AOX1: variants seen among roughly 807,000 people sequenced by gnomAD.
AOX1 encodes aldehyde oxidase 1.
AOX1 carries 153 observed loss-of-function variants against 169.5 expected under a neutral mutation model. The observed-to-expected ratio is 0.90, with a 90% CI of 0.79 to 1.03. The LOEUF is 1.03. AOX1 is among the 50% of genes least tolerant of loss of function. AOX1 has a pLI of 0.00. For missense variants in AOX1, 1,656 were observed against 1,663.9 expected, an observed-to-expected ratio of 1.00 and a Z score of 0.08; for synonymous variants, 562 against 581.9, an observed-to-expected ratio of 0.97 and a Z score of 0.49.
intron 4 of AOX1, 90 bp downstream of exon 4, chr2:200,597,595 G>C: frequency 1.1e-6 from 1 of 882,510 alleles, no homozygotes; most frequent in Admixed American, 2.6e-5. Context: ...GAGCAGCCTG[G>C]GGCCTGCTGG....
rs1217982260 is a variant in AOX1 at position 200,586,160 on chromosome 2, GC to G, written c.45+10del. The stretch of plus-strand genomic sequence containing the variant: ...CTACGTGAACGGCCGCAAGGTGAGC[GC>G]CCGCGGGCTTCCTCTGCCCCCAGAC... On this transcript the variant is annotated splice_region_variant and intron_variant, in intron 1 of 34. Transcript: ENST00000374700. 6.4e-7 allele frequency: 1 copy of G among 1,556,314 alleles called. No homozygotes were observed. The highest frequency in any genetic ancestry group is 1.2e-5 in the South Asian group (1 of 84,400).
At chr2:200,638,054 C>T (rs1472504997) in intron 22 of AOX1, 161 bp from the exon 23 acceptor site, 10 of 579,412 alleles carry the variant, frequency 1.7e-5, no homozygotes, top group Non-Finnish European at 2.5e-5. Flanking sequence ...GGAAAGCCCA[C>T]GGTGTATGCC....
chr2:200,657,165 A>AAAAAATATATATATAT (rs1179205121), intron 27 of AOX1, among the ~76,000 whole-genome samples: 1 of 88,370 alleles, frequency 1.1e-5, no homozygotes, highest in African/African-American at 5.2e-5. Context: ...CTCTACCAAA[A>AAAAAATATATATATAT]ATATATATAT....
chr2:200,587,167 C>T lies in AOX1; in HGVS notation c.45+1014C>T, dbSNP rs185862245. ...AAAAAACCGGTGTGGTGGTGCGTGC[C>T]TGCAGCCCAGCTACTGGGGAGGGTG... On this transcript the variant is annotated intron_variant, in intron 1 of 34. Coordinates refer to ENST00000374700, the MANE Select transcript of AOX1 (RefSeq NM_001159.4). Among the ~76,000 whole-genome samples the T allele has an allele frequency of 1.1e-4, 17 of 151,978 alleles. No individual in the cohort carries two copies. The East Asian group carries it at 3.1e-3, about 28-fold the overall frequency.
At chr2:200,599,770 AT>A (rs1559232106) in intron 5 of AOX1, 24 bp downstream of exon 5, 2 of 1,425,604 alleles carry the variant, frequency 1.4e-6, no homozygotes. Context: ...GCATGCTTTT[AT>A]TTTTTAATTT....
rs72551311 is a variant in AOX1 at position 200,612,763 on chromosome 2, C to T, written c.1418C>T (p.Ala473Val). 5.6e-6 allele frequency: 9 copies of T among 1,613,738 alleles called. No homozygotes were observed. The Admixed American group carries it at 1.5e-4, about 27-fold the overall frequency. ...GGCGTTGGTCCAGCCACCATCTGTG[C>T]CAAGAATTCCTGCCAGAAACTCATT... ...YGGVGPATIC[A>V]KNSCQKLIGR... is the part of the protein sequence containing the mutation. The change falls in exon 14 of 35, where the codon GCC becomes GTC. Residue 473 changes from alanine (A) to valine (V), a missense_variant. Coordinates refer to ENST00000374700, the MANE Select transcript of AOX1 (RefSeq NM_001159.4).
At chr2:200,651,780 ATTG>A (rs1406232470) in intron 26 of AOX1, among the ~76,000 whole-genome samples, 2 of 152,212 alleles carry the variant, frequency 1.3e-5, no homozygotes, top group African/African-American at 4.8e-5. Flanking sequence ...AATTTCTTTC[ATTG>A]ATTAAAGAAA....
chr2:200,670,689 A>C lies in AOX1; in HGVS notation c.*10A>C. ...GAATGTACCCATCTGAATCAAATGC[A>C]AACTTCTGGAGAAAACAGAGTGCCT... On this transcript the variant is annotated 3_prime_UTR_variant, in exon 35 of 35. Coordinates refer to ENST00000374700, the MANE Select transcript of AOX1 (RefSeq NM_001159.4). The C allele has an allele frequency of 1.2e-6, 2 of 1,609,970 alleles. No individual in the cohort carries two copies. Among genetic ancestry groups the C allele is most frequent in the Non-Finnish European group, 1.7e-6 (2 of 1,177,026 alleles).
chr2:200,637,169 C>A, intron 22 of AOX1, 125 bp downstream of exon 22: 1 of 1,183,506 alleles, frequency 8.4e-7, no homozygotes, highest in Non-Finnish European at 1.2e-6. Flanking sequence ...AACACACAAA[C>A]AAGCTGCCAG....
chr2:200,677,322 C>T (rs375557596), downstream of AOX1, among the ~76,000 whole-genome samples: 4 of 152,222 alleles, frequency 2.6e-5, no homozygotes, highest in Admixed American at 6.5e-5. Flanking sequence ...AGATGCAAAG[C>T]GATTGTGTTG....
At chr2:200,664,119 CTGTT>C (rs67897892) in intron 31 of AOX1, among the ~76,000 whole-genome samples, 69,769 of 151,402 alleles carry the variant, frequency 0.46, 16,765 homozygotes, top group East Asian at 0.8. Context: ...GAACTGATTT[CTGTT>C]TGTTTGTTTG....
intron 30 of AOX1, 67 bp from the exon 31 acceptor site, chr2:200,662,788 C>T: frequency 8.1e-7 from 1 of 1,240,928 alleles, no homozygotes; most frequent in Non-Finnish European, 1.2e-6. Flanking sequence ...CCTCATGGGT[C>T]TGTTTAGTCA....
At chr2:200,670,148 G>A (rs1406910677) in intron 34 of AOX1, among the ~76,000 whole-genome samples, 5 of 152,024 alleles carry the variant, frequency 3.3e-5, no homozygotes, top group Admixed American at 1.3e-4. Flanking sequence ...ACGGGCACCC[G>A]GAAAGTATGC....
At chr2:200,621,386 A>G in intron 18 of AOX1, 140 bp downstream of exon 18, 1 of 761,586 alleles carries the variant, frequency 1.3e-6, no homozygotes, top group South Asian at 2.1e-5. Flanking sequence ...AGTATATTCT[A>G]ATATTGAATG....
Position 200,659,266 on chromosome 2 carries a change from G to A in AOX1, c.3273G>A (p.Val1091=). 1.2e-6 allele frequency: 2 copies of A among 1,613,298 alleles called. No individual in the cohort carries two copies. The highest frequency in any genetic ancestry group is 1.7e-6 in the Non-Finnish European group (2 of 1,179,592). The change falls in exon 28 of 35, where the codon GTG becomes GTA. Residue 1091 remains valine (V), a synonymous_variant. Transcript: ENST00000374700. ...PNANISGGSV[V]ADLNGLAVKD... ...CAAATATCTCTGGAGGTTCTGTGGTGGCAGATCTCAACGGTTTGGCAGTAA... is the reference window on the plus strand; with the variant it reads ...CAAATATCTCTGGAGGTTCTGTGGTAGCAGATCTCAACGGTTTGGCAGTAA...
intron 32 of AOX1, 66 bp from the exon 33 acceptor site, chr2:200,668,549 G>T: frequency 1.5e-6 from 2 of 1,373,192 alleles, no homozygotes; most frequent in Non-Finnish European, 2.0e-6. Flanking sequence ...GCATGAAGTT[G>T]AAATGCTACT....
rs750729281 is a variant in AOX1 at position 200,615,952 on chromosome 2, C to T, written c.1612-19C>T. On this transcript the variant is annotated intron_variant, in intron 15 of 34. Coordinates refer to ENST00000374700, the MANE Select transcript of AOX1 (RefSeq NM_001159.4). ...GCATTCAAACTATTTAAAATATCTGCAATGGTTCTACTTTTCAGGATCCAG... is the reference window on the plus strand; with the variant it reads ...GCATTCAAACTATTTAAAATATCTGTAATGGTTCTACTTTTCAGGATCCAG... 1.3e-6 allele frequency: 2 copies of T among 1,576,188 alleles called. No homozygotes were observed. Among genetic ancestry groups the T allele is most frequent in the East Asian group, 2.2e-5 (1 of 44,644 alleles).
intron 18 of AOX1, 132 bp from the exon 19 acceptor site, chr2:200,623,729 G>A: frequency 7.3e-7 from 1 of 1,374,430 alleles, no homozygotes; most frequent in Non-Finnish European, 1.0e-6. Context: ...GGACAGATGT[G>A]GAGGGGTCAC....
chr2:200,597,448 T>C lies in AOX1; in HGVS notation c.252T>C (p.Ala84=). Residue 84 remains alanine (A), a synonymous_variant, in exon 4 of 35, where the codon GCT becomes GCC. Transcript: ENST00000374700. ...CLIPICSLYG[A]AVTTVEGIGS... is the part of the protein sequence containing the mutation. The stretch of plus-strand genomic sequence containing the variant: ...TTCCCATCTGTTCTCTGTATGGTGC[T>C]GCCGTCACCACAGTAGAAGGCATAG... 6.2e-7 allele frequency: 1 copy of C among 1,612,844 alleles called. No individual in the cohort carries two copies. The highest frequency in any genetic ancestry group is 1.1e-5 in the South Asian group (1 of 90,656).
Sources: allele counts gnomAD v4.1 joint callset (sites outside exome capture counted in the v4.1 genomes callset), GRCh38; gene constraint gnomAD v4.1.1; transcripts MANE v1.5; gene names NCBI Gene and HGNC (gene_info 2026-07-23, HGNC 2026-07-21).